The following PITPNM3 variants were observed in gnomAD, a reference collection of about 807,000 sequenced individuals.
The protein encoded by PITPNM3 is PITPNM family member 3.
A neutral mutation model predicts 102.0 loss-of-function variants in PITPNM3; 26 were observed. The ratio of observed to expected loss-of-function variants is 0.25; its 90% CI spans 0.19 to 0.35. The LOEUF (loss-of-function observed/expected upper bound fraction) is 0.35. PITPNM3 is among the 10% of genes least tolerant of loss of function. The probability of loss-of-function intolerance (pLI) is 1.00; values close to 1 mark genes in which losing one functional copy is unlikely to be tolerated. For missense variants in PITPNM3, 1,083 were observed against 1,346.1 expected (o/e 0.80, Z 3.06); for synonymous variants, 578 against 558.6 (o/e 1.03, Z -0.49).
intron 1 of PITPNM3, among the ~76,000 whole-genome samples, chr17:6,550,107 G>A (rs903802675): frequency 3.9e-5 from 6 of 152,244 alleles, no homozygotes; most frequent in African/African-American, 1.2e-4. Context: ...CACTTTTACA[G>A]ATAAGGAAAC....
intron 14 of PITPNM3, among the ~76,000 whole-genome samples, chr17:6,465,186 A>G (rs2150719231): frequency 6.6e-6 from 1 of 152,294 alleles, no homozygotes; most frequent in East Asian, 1.9e-4. Context: ...AGCTGGGATT[A>G]CAGGCATGCG....
intron 9 of PITPNM3, 29 bp from the exon 10 acceptor site, chr17:6,474,633 G>T: frequency 1.3e-6 from 2 of 1,547,878 alleles, no homozygotes; most frequent in Non-Finnish European, 8.7e-7. Context: ...GCAGGGCAGG[G>T]CAGGTCAGGG....
chr17:6,478,157 C>A lies in PITPNM3; in HGVS notation c.778-60G>T. The A allele has an allele frequency of 6.2e-7, 1 of 1,606,774 alleles. No homozygotes were observed. The highest frequency in any genetic ancestry group is 1.1e-5 in the South Asian group (1 of 91,000). On this transcript the variant is annotated intron_variant, in intron 7 of 19. Transcript: ENST00000262483. This position sits in a 1 kb window ranked among gnomAD's most constrained non-coding sequence, Gnocchi z 4.4. ...CACTGCTGACCCCTCACCCCCACAC[C>A]CGGCCAGAGCAGTGCTGCCTCCCCA...
intron 1 of PITPNM3, among the ~76,000 whole-genome samples, chr17:6,546,724 G>C (rs1173082973): frequency 6.6e-6 from 1 of 152,208 alleles, no homozygotes; most frequent in African/African-American, 2.4e-5. Flanking sequence ...GTCTGTACAG[G>C]GCAGCTGTGG....
chr17:6,543,075 C>T (rs1909813267), intron 1 of PITPNM3, among the ~76,000 whole-genome samples: 1 of 152,096 alleles, frequency 6.6e-6, no homozygotes, highest in South Asian at 2.1e-4. Flanking sequence ...GGGGAATATC[C>T]CAACTCTTCT....
intron 2 of PITPNM3, among the ~76,000 whole-genome samples, chr17:6,527,524 C>G (rs1273392934): frequency 6.6e-6 from 1 of 152,156 alleles, no homozygotes; most frequent in Non-Finnish European, 1.5e-5. Context: ...TGTTATGCCC[C>G]ACACTCACTC....
intron 8 of PITPNM3, 131 bp downstream of exon 8, chr17:6,477,844 C>A: frequency 6.6e-7 from 1 of 1,510,426 alleles, no homozygotes; most frequent in Non-Finnish European, 9.0e-7. Flanking sequence ...CTGCGCCCAG[C>A]TGGATTATGA....
chr17:6,498,843 C>A (rs907994056), intron 4 of PITPNM3, among the ~76,000 whole-genome samples: 1 of 152,126 alleles, frequency 6.6e-6, no homozygotes, highest in African/African-American at 2.4e-5. Flanking sequence ...CCCTGAGTCC[C>A]TACAGCCAGC....
Position 6,470,432 on chromosome 17 carries a change from G to A in PITPNM3, c.1625-24C>T. On this transcript the variant is annotated intron_variant, in intron 12 of 19. Coordinates refer to ENST00000262483, the MANE Select transcript of PITPNM3 (RefSeq NM_031220.4). This position sits in a 1 kb window ranked among gnomAD's most constrained non-coding sequence, Gnocchi z 4.8. ...GACTGTGGGTCGGAGAGGAAGGTGA[G>A]GATGCGTGGCCGGCCCGGGGCCTCA... 2 of 1,613,810 alleles carry A rather than the reference G, an allele frequency of 1.2e-6. No individual in the cohort carries two copies. The highest frequency in any genetic ancestry group is 4.5e-5 in the East Asian group (2 of 44,884).
intron 17 of PITPNM3, among the ~76,000 whole-genome samples, chr17:6,461,822 G>T (rs1373996055): frequency 6.6e-6 from 1 of 151,952 alleles, no homozygotes; most frequent in Non-Finnish European, 1.5e-5. Flanking sequence ...CAGAGTCAGA[G>T]ACAGGCGCCT....
intron 1 of PITPNM3, among the ~76,000 whole-genome samples, chr17:6,547,663 AC>A (rs1910094387): frequency 6.6e-6 from 1 of 152,030 alleles, no homozygotes; most frequent in South Asian, 2.1e-4. Context: ...AGGTCCAGGC[AC>A]CTACCCAGGC....
chr17:6,456,086 C>T (rs755708969), intron 19 of PITPNM3, among the ~76,000 whole-genome samples: 13 of 152,160 alleles, frequency 8.5e-5, no homozygotes, highest in Non-Finnish European at 1.6e-4. Flanking sequence ...TGCAGTAGCC[C>T]AGTCTCAGCT....
intron 2 of PITPNM3, among the ~76,000 whole-genome samples, chr17:6,536,161 T>G (rs993973449): frequency 3.3e-5 from 5 of 151,048 alleles, no homozygotes; most frequent in African/African-American, 1.2e-4. Flanking sequence ...GGGGCCGATT[T>G]CACGGCAGAA....
chr17:6,478,518 G>A lies in PITPNM3; in HGVS notation c.777+29C>T, dbSNP rs1481447635. The A allele has an allele frequency of 6.2e-7, 1 of 1,611,672 alleles. No homozygotes were observed. The highest frequency in any genetic ancestry group is 8.5e-7 in the Non-Finnish European group (1 of 1,178,074). Reference sequence around the variant, plus strand: ...CAGGCCGGGGCCGGAACAGGGGAGGGGAGAGGAGGAGAGGGCAGGCTGTCC... The same window carrying A: ...CAGGCCGGGGCCGGAACAGGGGAGGAGAGAGGAGGAGAGGGCAGGCTGTCC... On this transcript the variant is annotated intron_variant, in intron 7 of 19. Transcript: ENST00000262483. This position sits in a 1 kb window ranked among gnomAD's most constrained non-coding sequence, Gnocchi z 4.4.
rs2150711588 is a variant in PITPNM3 at position 6,455,588 on chromosome 17, G to A, written c.2675C>T (p.Ser892Leu). 2.5e-6 allele frequency: 4 copies of A among 1,596,856 alleles called. No individual in the cohort carries two copies. Among genetic ancestry groups the A allele is most frequent in the Middle Eastern group, 1.7e-4 (1 of 6,050 alleles). The change falls in exon 20 of 20, where the codon TCA (serine) becomes TTA (leucine). Residue 892 changes from serine to leucine, a missense_variant. Physicochemically the swap from Ser to Leu is moderately radical, Grantham distance 145. Around this residue, in one of 5 missense-constraint regions of PITPNM3, gnomAD observed 208 missense variants for 178.2 expected, o/e 1.17. Coordinates refer to ENST00000262483, the MANE Select transcript of PITPNM3 (RefSeq NM_031220.4). ...GCGCGAGTTGTTCTTCTTTGGGCGT[G>A]AGCGGTGGCTGGCCTCCAGCGCGGC... ...HLAALEASHR[S>L]RPKKNNSRMI...
chr17:6,503,559 G>A lies in PITPNM3; in HGVS notation c.242C>T (p.Pro81Leu), dbSNP rs763191181. ...LDEHQGEGTA[P>L]CTSSILQEKQ... is the part of the protein sequence containing the mutation. Reference sequence around the variant, plus strand: ...CTCCTGGAGGATGCTGGATGTGCACGGCGCGGTCCCTTCTCCTGCAGAAAA... The same window carrying A: ...CTCCTGGAGGATGCTGGATGTGCACAGCGCGGTCCCTTCTCCTGCAGAAAA... The change falls in exon 4 of 20, where the codon CCG becomes CTG. Residue 81 changes from proline (P) to leucine (L), a missense_variant. Around this residue, in one of 5 missense-constraint regions of PITPNM3, gnomAD observed 290 missense variants for 337.8 expected, o/e 0.86. Coordinates refer to ENST00000262483, the MANE Select transcript of PITPNM3 (RefSeq NM_031220.4). 4.8e-5 allele frequency: 77 copies of A among 1,611,744 alleles called. No homozygotes were observed. The highest frequency in any genetic ancestry group is 5.8e-5 in the Non-Finnish European group (68 of 1,180,010).
chr17:6,543,144 G>A (rs548680732), intron 1 of PITPNM3, among the ~76,000 whole-genome samples: 1 of 152,294 alleles, frequency 6.6e-6, no homozygotes, highest in South Asian at 2.1e-4. Flanking sequence ...GCACAGCTCC[G>A]AGCTGGGCCG....
At chr17:6,463,343 G>A (rs946389145) in intron 17 of PITPNM3, among the ~76,000 whole-genome samples, 3 of 150,266 alleles carry the variant, frequency 2.0e-5, no homozygotes, top group South Asian at 2.1e-4. Context: ...TTAAGAGCTC[G>A]CTCTGCATCA....
At chr17:6,464,377 G>A (rs1025865834) in intron 15 of PITPNM3, 59 bp from the exon 16 acceptor site, 19 of 1,582,870 alleles carry the variant, frequency 1.2e-5, no homozygotes, top group Non-Finnish European at 1.6e-5. Flanking sequence ...AGGCTTGGCA[G>A]AGGGGCTGGG....
Sources: allele counts gnomAD v4.1 joint callset (sites outside exome capture counted in the v4.1 genomes callset), GRCh38; gene constraint gnomAD v4.1.1; regional missense constraint gnomAD v4.1.1; non-coding constraint Gnocchi (gnomAD v3.1); transcripts MANE v1.5; gene names NCBI Gene and HGNC (gene_info 2026-07-23, HGNC 2026-07-21).